The following MYO18B variants were observed in gnomAD, a reference collection of about 807,000 sequenced individuals.
The protein encoded by MYO18B is myosin XVIIIB.
A neutral mutation model predicts 273.0 loss-of-function variants in MYO18B; 204 were observed. That is an observed-to-expected ratio of 0.75 (90% CI 0.67 to 0.84). MYO18B has a LOEUF of 0.84. Among genes scored for constraint, MYO18B ranks in the 40% least tolerant of loss-of-function variants. The pLI, the probability that MYO18B is intolerant of heterozygous loss-of-function variation, is 0.00. For synonymous variants in MYO18B, 1,330 were observed against 1,305.7 expected, an observed-to-expected ratio of 1.02 and a Z score of -0.40; for missense variants, 3,212 against 3,287.6, an observed-to-expected ratio of 0.98 and a Z score of 0.56.
chr22:25,927,268 A>G (rs1461908538), intron 34 of MYO18B, among the ~76,000 whole-genome samples: 1 of 152,200 alleles, frequency 6.6e-6, no homozygotes, highest in Admixed American at 6.5e-5. Flanking sequence ...TCAAAAGCAA[A>G]TGGGAGAAAT....
At chr22:25,782,021 T>C (rs901146558) in intron 10 of MYO18B, among the ~76,000 whole-genome samples, 187 bp downstream of exon 10, 3 of 152,256 alleles carry the variant, frequency 2.0e-5, no homozygotes, top group African/African-American at 7.2e-5. Flanking sequence ...TGGTCACATG[T>C]CATCCACCCT....
intron 12 of MYO18B, among the ~76,000 whole-genome samples, chr22:25,811,907 A>G (rs529537290): frequency 1.3e-5 from 2 of 152,324 alleles, no homozygotes; most frequent in African/African-American, 2.4e-5. Flanking sequence ...CAACATTTCA[A>G]TGAACCCACC....
rs971236973 is a variant in MYO18B, at chr22:25,921,295, G to A, written c.5403G>A (p.Arg1801=). 10 of 1,556,388 alleles carry A rather than the reference G, an allele frequency of 6.4e-6. No individual in the cohort carries two copies. The African/African-American group carries it at 1.2e-4, about 19-fold the overall frequency. The change falls in exon 34 of 44, where the codon CGG becomes CGA. Residue 1801 remains arginine, a synonymous_variant. Transcript: ENST00000335473. ...HRDFDVEKRL[R]RDLRRTHALL... ...ACTTTGATGTGGAGAAGCGACTTCG[G>A]AGAGACCTCAGGAGGACACATGCAC... is the stretch of plus-strand genomic sequence containing the variant.
Position 25,834,145 on chromosome 22 carries a change from T to C in MYO18B, c.3060+1148T>C, listed in dbSNP as rs199673587. 2.2e-4 allele frequency among the ~76,000 whole-genome samples: 33 copies of C among 147,536 alleles called. No homozygotes were observed. The East Asian group carries it at 2.9e-3, about 13-fold the overall frequency. On this transcript the variant is annotated intron_variant, in intron 16 of 43. Transcript: ENST00000335473. Reference sequence around the variant, plus strand: ...TGCAAATAGCTACCTTCTTCTTCTTTTTTTTTTTCTTTTTTTTTTGAGACA... The same window carrying C: ...TGCAAATAGCTACCTTCTTCTTCTTCTTTTTTTTCTTTTTTTTTTGAGACA...
At chr22:25,985,660 C>T (rs938737048) in intron 39 of MYO18B, among the ~76,000 whole-genome samples, 1 of 111,142 alleles carries the variant, frequency 9.0e-6, no homozygotes. Context: ...GATGGAGTCT[C>T]GCTCTGTCAC....
chr22:26,030,958 A>G lies in MYO18B; in HGVS notation c.*528A>G, dbSNP rs891522909. 9 of 398,454 alleles carry G rather than the reference A, an allele frequency of 2.3e-5. No homozygotes were observed. Among genetic ancestry groups the G allele is most frequent in the African/African-American group, 6.2e-5 (3 of 48,604 alleles). The allele number at this position is 398,454 out of a possible 1,614,324, so 24.7% of individuals were successfully genotyped here. A position where few individuals can be genotyped will look rare whatever the true frequency, so the allele number is the denominator to read the frequency against. ...ATTCATTTCTCTATCCTGTGTATGT[A>G]TAAGTGTGTACAAGCATTCAAGAAA... On this transcript the variant is annotated 3_prime_UTR_variant, in exon 44 of 44. Coordinates refer to ENST00000335473, the MANE Select transcript of MYO18B (RefSeq NM_032608.7).
At chr22:25,807,886 A>G (rs1353418557) in intron 12 of MYO18B, among the ~76,000 whole-genome samples, 1 of 151,968 alleles carries the variant, frequency 6.6e-6, no homozygotes, top group Non-Finnish European at 1.5e-5. Context: ...ACTGAGGCTC[A>G]GTTTTCTGAG....
chr22:25,826,900 A>G (rs1425532038), intron 14 of MYO18B, among the ~76,000 whole-genome samples: 1 of 152,114 alleles, frequency 6.6e-6, no homozygotes, highest in East Asian at 1.9e-4. Flanking sequence ...TCTCTACTAA[A>G]AATTACAAAA....
intron 11 of MYO18B, among the ~76,000 whole-genome samples, chr22:25,797,187 C>G (rs974170760): frequency 3.3e-5 from 5 of 152,256 alleles, no homozygotes; most frequent in Admixed American, 2.0e-4. Context: ...GAGATTGTGC[C>G]GTTGCACTCC....
intron 21 of MYO18B, among the ~76,000 whole-genome samples, chr22:25,859,991 A>G (rs1006442781): frequency 1.3e-5 from 2 of 152,052 alleles, no homozygotes. Context: ...CATTTGATCT[A>G]TTGTGTGTTA....
chr22:25,880,404 C>T (rs967863118), intron 25 of MYO18B, among the ~76,000 whole-genome samples: 4 of 151,954 alleles, frequency 2.6e-5, no homozygotes, highest in Non-Finnish European at 5.9e-5. Context: ...GATTTTTTGA[C>T]TAATTGAGAT....
At chr22:26,018,814 G>C (rs139536449) in intron 42 of MYO18B, among the ~76,000 whole-genome samples, 1 of 152,152 alleles carries the variant, frequency 6.6e-6, no homozygotes, top group Non-Finnish European at 1.5e-5. Flanking sequence ...TTAGCTGGAT[G>C]TGGTGGTGGC....
intron 19 of MYO18B, among the ~76,000 whole-genome samples, chr22:25,846,532 G>C (rs2090253023): frequency 6.6e-6 from 1 of 152,196 alleles, no homozygotes; most frequent in Admixed American, 6.5e-5. Context: ...GTGTTGAGTT[G>C]AGAGGCCTGG....
Position 25,832,943 on chromosome 22 carries a change from C to T in MYO18B, c.3006C>T (p.Leu1002=). 1 of 1,613,902 alleles carries T rather than the reference C, an allele frequency of 6.2e-7. No individual in the cohort carries two copies. Among genetic ancestry groups the T allele is most frequent in the Non-Finnish European group, 8.5e-7 (1 of 1,179,872 alleles). The stretch of plus-strand genomic sequence containing the variant: ...AAGGTGTTCCTGTGCAGTTTGACCT[C>T]CCGGACCCCTCCCCAGGGACCACCG... The part of the protein sequence containing the change: ...QEEGVPVQFD[L]PDPSPGTTVA... The change falls in exon 16 of 44, where the codon CTC becomes CTT. Residue 1002 remains leucine (L), a synonymous_variant. Transcript: ENST00000335473.
At position 26,026,992 on chromosome 22, in the gene MYO18B, C is replaced by T; in HGVS notation, c.7018C>T (p.Leu2340Phe). 3 of 1,613,988 alleles carry T rather than the reference C, an allele frequency of 1.9e-6. No individual in the cohort carries two copies. Among genetic ancestry groups the T allele is most frequent in the Non-Finnish European group, 2.5e-6 (3 of 1,179,902 alleles). Residue 2340 changes from leucine to phenylalanine, a missense_variant, in exon 43 of 44, where the codon CTC becomes TTC. By Grantham distance (22) the Leu-to-Phe change is conservative. Coordinates refer to ENST00000335473, the MANE Select transcript of MYO18B (RefSeq NM_032608.7). ...AGACGGTGTTGGGGGCACAACCCTACTCCCCGAAAAGTCGAAAACCCAATT... is the reference window on the plus strand; with the variant it reads ...AGACGGTGTTGGGGGCACAACCCTATTCCCCGAAAAGTCGAAAACCCAATT... ...SSDGVGGTTL[L>F]PEKSKTQFSS...
chr22:25,890,588 A>G (rs1036838149), intron 25 of MYO18B, among the ~76,000 whole-genome samples, 168 bp from the exon 26 acceptor site: 6 of 152,202 alleles, frequency 3.9e-5, no homozygotes, highest in Admixed American at 2.6e-4. Flanking sequence ...GTTGAACCAC[A>G]TCAAGACCAA....
chr22:25,996,372 C>T (rs1555983960), intron 40 of MYO18B, among the ~76,000 whole-genome samples: 1 of 152,198 alleles, frequency 6.6e-6, no homozygotes, highest in Non-Finnish European at 1.5e-5. Flanking sequence ...TTTTATTCCA[C>T]TTGCTTCTTG....
rs187567034 is a variant in MYO18B, at chr22:25,853,963, A to G, written c.3885+2384A>G. Among the ~76,000 whole-genome samples the G allele has an allele frequency of 3.9e-5, 6 of 152,366 alleles. No homozygotes were observed. In the East Asian group the frequency reaches 5.8e-4, roughly 15 times the overall value. On this transcript the variant is annotated intron_variant, in intron 21 of 43. Coordinates refer to ENST00000335473, the MANE Select transcript of MYO18B (RefSeq NM_032608.7). ...CATTTGCCAGGCCACATGATATGCCATGAATTATACATGAACACGTGCTTG... is the reference window on the plus strand; with the variant it reads ...CATTTGCCAGGCCACATGATATGCCGTGAATTATACATGAACACGTGCTTG...
intron 12 of MYO18B, among the ~76,000 whole-genome samples, chr22:25,801,790 C>T (rs1215223286): frequency 1.3e-5 from 2 of 152,110 alleles, no homozygotes; most frequent in Non-Finnish European, 2.9e-5. Flanking sequence ...AGGACTGTTA[C>T]GATGCCCATT....
Sources: allele counts gnomAD v4.1 joint callset (sites outside exome capture counted in the v4.1 genomes callset), GRCh38; gene constraint gnomAD v4.1.1; transcripts MANE v1.5; gene names NCBI Gene and HGNC (gene_info 2026-07-23, HGNC 2026-07-21).